The following BEGAIN variants were observed in gnomAD, a reference collection of about 807,000 sequenced individuals.
BEGAIN encodes brain-enriched guanylate kinase-associated protein.
A neutral mutation model predicts 35.8 loss-of-function variants in BEGAIN; 19 were observed. The ratio of observed to expected loss-of-function variants is 0.53; its 90% CI spans 0.37 to 0.78. The LOEUF (loss-of-function observed/expected upper bound fraction) is 0.78. Ranked by LOEUF, BEGAIN falls within the 30% of genes least tolerant of loss-of-function variation. The pLI is 0.00. For missense variants in BEGAIN, 795 were observed against 853.6 expected (o/e 0.93, Z 0.85); for synonymous variants, 462 against 388.6 (o/e 1.19, Z -2.22).
chr14:100,572,102 C>T lies in BEGAIN; in HGVS notation c.43-4163G>A, dbSNP rs118137193. 4.7e-4 allele frequency among the ~76,000 whole-genome samples: 71 copies of T among 152,312 alleles called. 1 individual carries two copies. In the East Asian group the frequency reaches 9.1e-3, roughly 19 times the overall value. On this transcript the variant is annotated intron_variant, in intron 1 of 6. Transcript: ENST00000554140. ...TCCTTCCTGCTCTCACAGCAGGGTC[C>T]TCGTCATTCTAACACCATCCGCGTC...
chr14:100,539,431 G>A (rs2031219181), intron 6 of BEGAIN, 116 bp from the exon 7 acceptor site: 3 of 1,448,234 alleles, frequency 2.1e-6, no homozygotes, highest in African/African-American at 2.9e-5. Context: ...GCAGACAGAC[G>A]AACGGGGGCC....
rs938947089 is a variant in BEGAIN, at chr14:100,558,865, G to A, written c.71+9046C>T. Among the ~76,000 whole-genome samples, 8 of 152,180 alleles carry A rather than the reference G, an allele frequency of 5.3e-5. No homozygotes were observed. Among genetic ancestry groups the A allele is most frequent in the Admixed American group, 3.3e-4 (5 of 15,282 alleles). ...AGCCCGAGACCTCCTTGAAACCAACGTCAGACCCATCCTTGGGGAGGTGGG... is the reference window on the plus strand; with the variant it reads ...AGCCCGAGACCTCCTTGAAACCAACATCAGACCCATCCTTGGGGAGGTGGG... On this transcript the variant is annotated intron_variant, in intron 2 of 6. Coordinates refer to ENST00000554140, the MANE Select transcript of BEGAIN (RefSeq NM_001385089.1). The surrounding 1 kb of genome is among the most constrained non-coding windows in gnomAD (Gnocchi z 4.6).
intron 1 of BEGAIN, chr14:100,577,356 G>T (rs2035224378): frequency 5.0e-6 from 2 of 399,134 alleles, no homozygotes; most frequent in East Asian, 3.6e-5. Context: ...CTCCACGCTT[G>T]CCACTGCCCA....
intron 1 of BEGAIN, among the ~76,000 whole-genome samples, chr14:100,572,361 A>G (rs2035103646): frequency 6.6e-6 from 1 of 152,076 alleles, no homozygotes; most frequent in Non-Finnish European, 1.5e-5. Context: ...GAGTGAGCCC[A>G]CCTCTGCAGG....
At chr14:100,564,182 C>T (rs890395397) in intron 2 of BEGAIN, among the ~76,000 whole-genome samples, 1 of 151,510 alleles carries the variant, frequency 6.6e-6, no homozygotes, top group African/African-American at 2.4e-5. Flanking sequence ...CCATGTTGAA[C>T]TCCTTGACAC....
chr14:100,545,713 G>T (rs2032282063), intron 3 of BEGAIN, among the ~76,000 whole-genome samples: 3 of 152,162 alleles, frequency 2.0e-5, no homozygotes, highest in African/African-American at 7.2e-5. Context: ...AACTGGCAGG[G>T]CCCAGATTTT....
In BEGAIN at chr14:100,567,071, G is replaced by A. The variant is rs1375003105; in HGVS notation, c.71+840C>T. Among the ~76,000 whole-genome samples the A allele has an allele frequency of 3.3e-5, 5 of 152,296 alleles. No homozygotes were observed. Among genetic ancestry groups the A allele is most frequent in the Admixed American group, 1.3e-4 (2 of 15,314 alleles). ...AATTCTGGCCTCGGGAGGGAGTGGC[G>A]AGGACGGAGACCCTGTGGGCCAGGG... On this transcript the variant is annotated intron_variant, in intron 2 of 6. Coordinates refer to ENST00000554140, the MANE Select transcript of BEGAIN (RefSeq NM_001385089.1). The surrounding 1 kb of genome is among the most constrained non-coding windows in gnomAD (Gnocchi z 5.1).
In BEGAIN at chr14:100,543,870, C is replaced by T. The variant is rs116093102; in HGVS notation, c.396G>A (p.Leu132=). The T allele has an allele frequency of 9.3e-6, 15 of 1,613,404 alleles. No individual in the cohort carries two copies. The East Asian group carries it at 2.5e-4, about 26-fold the overall frequency. Residue 132 remains leucine (L), a synonymous_variant, in exon 5 of 7, where the codon CTG becomes CTA. Coordinates refer to ENST00000554140, the MANE Select transcript of BEGAIN (RefSeq NM_001385089.1). ...LLEAKVTIDK[L]SEDNELYRKD... Reference sequence around the variant, plus strand: ...GTGCGGCACTCACGTTGTCCTCTGACAGCTTGTCGATGGTCACCTTGGCTT... The same window carrying T: ...GTGCGGCACTCACGTTGTCCTCTGATAGCTTGTCGATGGTCACCTTGGCTT...
intron 1 of BEGAIN, 54 bp downstream of exon 1, chr14:100,587,194 GC>G: frequency 5.6e-6 from 1 of 177,434 alleles, no homozygotes; most frequent in South Asian, 1.2e-4. Flanking sequence ...GGTGGCGCCC[GC>G]CCCGCCTCCG....
rs1381558237 is a variant in BEGAIN at position 100,538,404 on chromosome 14, G to A, written c.1404C>T (p.Tyr468=). ...TGCCCGGGCTGCCCCCGGCCCCGCC[G>A]TAGTAGCGTTCAGAGAAGCTGCAGG... ...ASPCSFSERY[Y]GGAGGSPGKK... Residue 468 remains tyrosine (Y), a synonymous_variant, in exon 7 of 7, where the codon TAC becomes TAT. Coordinates refer to ENST00000554140, the MANE Select transcript of BEGAIN (RefSeq NM_001385089.1). 4 of 1,567,826 alleles carry A rather than the reference G, an allele frequency of 2.6e-6. No individual in the cohort carries two copies. The highest frequency in any genetic ancestry group is 3.4e-6 in the Non-Finnish European group (4 of 1,161,312).
Position 100,568,195 on chromosome 14 carries a change from G to T in BEGAIN, c.43-256C>A. 1.3e-6 allele frequency: 1 copy of T among 773,766 alleles called. No individual in the cohort carries two copies. Among genetic ancestry groups the T allele is most frequent in the Non-Finnish European group, 1.6e-6 (1 of 629,240 alleles). The allele number at this position is 773,766 out of a possible 1,614,324, so 47.9% of individuals were successfully genotyped here. A position where few individuals can be genotyped will look rare whatever the true frequency, so the allele number is the denominator to read the frequency against. On this transcript the variant is annotated intron_variant, in intron 1 of 6. Coordinates refer to ENST00000554140, the MANE Select transcript of BEGAIN (RefSeq NM_001385089.1). This position sits in a 1 kb window ranked among gnomAD's most constrained non-coding sequence, Gnocchi z 7.5. ...CCCGCACCGAGTTACGCCCCCCGGG[G>T]CGAAGAAGGGGCCGGCCCGGGATGG...
intron 1 of BEGAIN, among the ~76,000 whole-genome samples, chr14:100,580,767 G>C (rs2035299278): frequency 6.6e-6 from 1 of 152,206 alleles, no homozygotes; most frequent in African/African-American, 2.4e-5. Context: ...TCTTTGCATA[G>C]GGCCTGGCAC....
At chr14:100,585,775 T>G (rs2035431074) in intron 1 of BEGAIN, among the ~76,000 whole-genome samples, 3 of 151,976 alleles carry the variant, frequency 2.0e-5, no homozygotes, top group Non-Finnish European at 4.4e-5. Flanking sequence ...CCCTCCCCAC[T>G]CAGCTCCCAG....
At chr14:100,555,077 G>A (rs2033578643) in intron 2 of BEGAIN, among the ~76,000 whole-genome samples, 2 of 152,258 alleles carry the variant, frequency 1.3e-5, no homozygotes, top group Non-Finnish European at 2.9e-5. Context: ...GACCTCGCCT[G>A]GTCTTTCCCA....
chr14:100,564,721 G>A (rs1020259366), intron 2 of BEGAIN, among the ~76,000 whole-genome samples: 1 of 152,106 alleles, frequency 6.6e-6, no homozygotes, highest in Non-Finnish European at 1.5e-5. Context: ...GCCCTACTGT[G>A]CGCCAGCCTC....
chr14:100,554,944 C>T (rs1238056410), intron 2 of BEGAIN, among the ~76,000 whole-genome samples: 1 of 152,260 alleles, frequency 6.6e-6, no homozygotes, highest in East Asian at 1.9e-4. Flanking sequence ...GAGAGCCTGC[C>T]TTTGCACCCC....
rs1223635938 is a variant in BEGAIN at position 100,585,046 on chromosome 14, G to T, written c.42+2203C>A. On this transcript the variant is annotated intron_variant, in intron 1 of 6. Transcript: ENST00000554140. ...CTCTACACTCTCCCCATCACCTTCA[G>T]GCCTTGGGCCAGGCTCCTGTAACAC... Among the ~76,000 whole-genome samples, 3 of 152,072 alleles carry T rather than the reference G, an allele frequency of 2.0e-5. No homozygotes were observed. The East Asian group carries it at 5.8e-4, about 29-fold the overall frequency.
chr14:100,544,971 G>A (rs745562081), intron 4 of BEGAIN, 29 bp downstream of exon 4: 6 of 1,606,208 alleles, frequency 3.7e-6, no homozygotes, highest in Non-Finnish European at 5.1e-6. Flanking sequence ...GTGTGGGGTG[G>A]GGGAGTGGGC....
chr14:100,565,318 A>G (rs2034596754), intron 2 of BEGAIN, among the ~76,000 whole-genome samples: 1 of 152,202 alleles, frequency 6.6e-6, no homozygotes, highest in South Asian at 2.1e-4. Flanking sequence ...AGGCAGGGGC[A>G]TGAAGGTGGC....
Sources: gnomAD v4.1 joint callset for allele counts (sites outside exome capture counted in the v4.1 genomes callset) on GRCh38, gnomAD v4.1.1 for gene constraint, Gnocchi (gnomAD v3.1) non-coding constraint, MANE v1.5 for transcripts, NCBI Gene and HGNC (gene_info 2026-07-23, HGNC 2026-07-21) for gene names.